KCNQ1: variants seen among roughly 807,000 people sequenced by gnomAD.
The protein encoded by KCNQ1 is potassium voltage-gated channel subfamily KQT member 1.
A neutral mutation model predicts 72.4 loss-of-function variants in KCNQ1; 49 were observed. That is an observed-to-expected ratio of 0.68 (90% confidence interval 0.54 to 0.86). The LOEUF (loss-of-function observed/expected upper bound fraction) is 0.86, where lower values mean the gene tolerates loss of function less well. Among genes scored for constraint, KCNQ1 ranks in the 40% least tolerant of loss-of-function variants. KCNQ1 has a pLI of 0.00. For synonymous variants in KCNQ1, 450 were observed against 412.6 expected (o/e 1.09, Z -1.10); for missense variants, 790 against 945.1 (o/e 0.84, Z 2.15).
chr11:2,602,745 A>G lies in KCNQ1; in HGVS notation c.1393+13891A>G, dbSNP rs549831418. Among the ~76,000 whole-genome samples the G allele has an allele frequency of 2.0e-5, 3 of 152,284 alleles. No individual in the cohort carries two copies. Among genetic ancestry groups the G allele is most frequent in the Non-Finnish European group, 2.9e-5 (2 of 68,018 alleles). On this transcript the variant is annotated intron_variant, in intron 10 of 15. Coordinates refer to ENST00000155840, the MANE Select transcript of KCNQ1 (RefSeq NM_000218.3). This position sits in a 1 kb window ranked among gnomAD's most constrained non-coding sequence, Gnocchi z 4.8. ...TCTATGCAGTGAAATTCTTGTTGAT[A>G]TCATTTTTCCATTTCCCAATTAGAC...
At chr11:2,685,062 G>A in intron 11 of KCNQ1, 1 of 398,624 alleles carries the variant, frequency 2.5e-6, no homozygotes, top group Admixed American at 4.4e-5. Context: ...AAATGTATGG[G>A]ACAGCCTGTG....
Position 2,787,312 on chromosome 11 carries a change from C to A in KCNQ1, c.1794+9275C>A, listed in dbSNP as rs1347809072. ...AAGCAGAGCCCTTTGAGGGTCCCAG[C>A]TTTGTGTAAGTCTCTGCTATGAGAC... On this transcript the variant is annotated intron_variant, in intron 15 of 15. Coordinates refer to ENST00000155840, the MANE Select transcript of KCNQ1 (RefSeq NM_000218.3). The surrounding 1 kb of genome is among the most constrained non-coding windows in gnomAD (Gnocchi z 6.3). 1.3e-5 allele frequency among the ~76,000 whole-genome samples: 2 copies of A among 152,134 alleles called. No individual in the cohort carries two copies. The highest frequency in any genetic ancestry group is 2.9e-5 in the Non-Finnish European group (2 of 68,028).
chr11:2,666,735 A>G lies in KCNQ1; in HGVS notation c.1514+4654A>G, dbSNP rs1277803728. On this transcript the variant is annotated intron_variant, in intron 11 of 15. Coordinates refer to ENST00000155840, the MANE Select transcript of KCNQ1 (RefSeq NM_000218.3). ...ACTGTGACCTACTCCCACAGACCCCAGGGTACCAGGCACTGCAGCTCTGTG... is the reference window on the plus strand; with the variant it reads ...ACTGTGACCTACTCCCACAGACCCCGGGGTACCAGGCACTGCAGCTCTGTG... 156 of 398,678 alleles carry G rather than the reference A, an allele frequency of 3.9e-4. 2 individuals are homozygous for G. The highest frequency in any genetic ancestry group is 6.2e-5 in the Non-Finnish European group (14 of 226,124). 24.7% of individuals were successfully genotyped at this position (398,678 alleles called of 1,614,324 possible).
chr11:2,789,542 C>G (rs1347311141), intron 15 of KCNQ1, among the ~76,000 whole-genome samples: 1 of 152,208 alleles, frequency 6.6e-6, no homozygotes, highest in Non-Finnish European at 1.5e-5. Flanking sequence ...ATGTGTTGCT[C>G]AGTAAGAAAC....
intron 15 of KCNQ1, among the ~76,000 whole-genome samples, chr11:2,822,977 A>T (rs1312317042): frequency 1.3e-5 from 2 of 152,234 alleles, no homozygotes; most frequent in African/African-American, 4.8e-5. Context: ...TGAAAGTGGA[A>T]TGAAGACTGA....
Position 2,662,398 on chromosome 11 carries a change from A to G in KCNQ1, c.1514+317A>G, listed in dbSNP as rs1231423965. ...CCCCAGCCCCCTCCCCTGCCCCCCA[A>G]AAAAGAGACGACTTTGTTTTTTAGC... On this transcript the variant is annotated intron_variant, in intron 11 of 15. Transcript: ENST00000155840. The G allele has an allele frequency of 1.6e-4, 80 of 504,120 alleles. 1 individual carries two copies. The Admixed American group carries it at 2.7e-3, about 17-fold the overall frequency. 31.2% of individuals were successfully genotyped at this position (504,120 alleles called of 1,614,324 possible).
In KCNQ1 at chr11:2,601,666, A is replaced by G. The variant is rs111519209; in HGVS notation, c.1393+12812A>G. Among the ~76,000 whole-genome samples the G allele has an allele frequency of 6.6e-6, 1 of 152,236 alleles. No individual in the cohort carries two copies. The highest frequency in any genetic ancestry group is 2.1e-4 in the South Asian group (1 of 4,832). ...AAATGCCACGTAAATGGAATCACACAATACACGATATCTTAGAAACGGGGT... is the reference window on the plus strand; with the variant it reads ...AAATGCCACGTAAATGGAATCACACGATACACGATATCTTAGAAACGGGGT... On this transcript the variant is annotated intron_variant, in intron 10 of 15. Transcript: ENST00000155840. The surrounding 1 kb of genome is among the most constrained non-coding windows in gnomAD (Gnocchi z 5.2).
At position 2,501,718 on chromosome 11, in the gene KCNQ1, C is replaced by CAAAAAAAAAAAAAAAAAAAAA. The variant is rs55865890; in HGVS notation, c.387-26201_387-26181dup. ...TTACCAAAACCAGACAAAGATACAT[C>CAAAAAAAAAAAAAAAAAAAAA]AAAAAAAAAAAAAAAAAAAAAAAAA... On this transcript the variant is annotated intron_variant, in intron 1 of 15. Transcript: ENST00000155840. 2.9e-5 allele frequency among the ~76,000 whole-genome samples: 2 copies of CAAAAAAAAAAAAAAAAAAAAA among 68,888 alleles called. 1 individual carries two copies. The highest frequency in any genetic ancestry group is 5.8e-5 in the Non-Finnish European group (2 of 34,650). 45.2% of individuals were successfully genotyped at this position (68,888 alleles called of 152,430 possible).
intron 10 of KCNQ1, among the ~76,000 whole-genome samples, chr11:2,605,703 G>A (rs1460963003): frequency 3.9e-5 from 6 of 152,266 alleles, no homozygotes; most frequent in African/African-American, 1.4e-4. Flanking sequence ...AGTCAATTTG[G>A]AGATCAGGAA....
Position 2,445,090 on chromosome 11 carries a change from C to T in KCNQ1, c.-9C>T. On this transcript the variant is annotated 5_prime_UTR_variant, in exon 1 of 16. Transcript: ENST00000155840. ...GCTCGGGCCGGCCCCCCGGCAGGCC[C>T]TCCTCGTTATGGCCGCGGCCTCCTC... 1 of 1,077,886 alleles carries T rather than the reference C, an allele frequency of 9.3e-7. No individual in the cohort carries two copies. The allele number at this position is 1,077,886 out of a possible 1,614,324, so 66.8% of individuals were successfully genotyped here. A position where few individuals can be genotyped will look rare whatever the true frequency, so the allele number is the denominator to read the frequency against.
chr11:2,643,209 T>C, intron 10 of KCNQ1: 1 of 398,330 alleles, frequency 2.5e-6, no homozygotes. Flanking sequence ...ATCCAATGTT[T>C]CTTTGTTAAT....
chr11:2,583,322 C>T, intron 6 of KCNQ1, 113 bp from the exon 7 acceptor site: 1 of 788,628 alleles, frequency 1.3e-6, no homozygotes, highest in Non-Finnish European at 2.3e-6. Flanking sequence ...TCCTGGTGGT[C>T]AGGGTCTCTT....
At chr11:2,733,854 T>TCA (rs1554914274) in intron 11 of KCNQ1, among the ~76,000 whole-genome samples, 445 of 41,136 alleles carry the variant, frequency 0.011, 23 homozygotes, top group Non-Finnish European at 0.016. Context: ...TCTCTCTCTC[T>TCA]CTCCCCCCCC....
intron 11 of KCNQ1, chr11:2,693,876 G>A (rs1046781014): frequency 1.3e-5 from 5 of 398,716 alleles, no homozygotes; most frequent in African/African-American, 1.0e-4. Context: ...CCTGCTCTGA[G>A]GGAAACCCTA....
At position 2,617,972 on chromosome 11, in the gene KCNQ1, T is replaced by C. The variant is rs553536621; in HGVS notation, c.1393+29118T>C. On this transcript the variant is annotated intron_variant, in intron 10 of 15. Coordinates refer to ENST00000155840, the MANE Select transcript of KCNQ1 (RefSeq NM_000218.3). This position sits in a 1 kb window ranked among gnomAD's most constrained non-coding sequence, Gnocchi z 4.6. ...TATATGGTTGGCAAATATTTTCTTCTAGTCCATAGGTTGCCTTTTCCTTTT... is the reference window on the plus strand; with the variant it reads ...TATATGGTTGGCAAATATTTTCTTCCAGTCCATAGGTTGCCTTTTCCTTTT... 1 of 398,576 alleles carries C rather than the reference T, an allele frequency of 2.5e-6. No homozygotes were observed. The highest frequency in any genetic ancestry group is 1.3e-4 in the South Asian group (1 of 7,860). 24.7% of individuals were successfully genotyped at this position (398,576 alleles called of 1,614,324 possible). A position where few individuals can be genotyped will look rare whatever the true frequency, so the allele number is the denominator to read the frequency against.
chr11:2,674,493 G>C lies in KCNQ1; in HGVS notation c.1514+12412G>C, dbSNP rs987804156. The C allele has an allele frequency of 7.5e-6, 3 of 398,568 alleles. No homozygotes were observed. Among genetic ancestry groups the C allele is most frequent in the African/African-American group, 2.1e-5 (1 of 48,634 alleles). The allele number at this position is 398,568 out of a possible 1,614,324, so 24.7% of individuals were successfully genotyped here. The stretch of plus-strand genomic sequence containing the variant: ...TGTCGAGATGTGTAAGATGGCCCCA[G>C]TGTTACTAGGCACTAGATGGCACTT... On this transcript the variant is annotated intron_variant, in intron 11 of 15. Coordinates refer to ENST00000155840, the MANE Select transcript of KCNQ1 (RefSeq NM_000218.3). The surrounding 1 kb of genome is among the most constrained non-coding windows in gnomAD (Gnocchi z 5.9).
Position 2,720,439 on chromosome 11 carries a change from CT to C in KCNQ1, c.1515-48404del, listed in dbSNP as rs1851183428. 6.6e-6 allele frequency among the ~76,000 whole-genome samples: 1 copy of C among 152,162 alleles called. No homozygotes were observed. Among genetic ancestry groups the C allele is most frequent in the Admixed American group, 6.5e-5 (1 of 15,284 alleles). On this transcript the variant is annotated intron_variant, in intron 11 of 15. Transcript: ENST00000155840. This position sits in a 1 kb window ranked among gnomAD's most constrained non-coding sequence, Gnocchi z 5.1. ...ACAGCTGAAGGCCAGGAGGAAGCTGCTGGCCTCAAGAAGGCCTCTCGAAGCA... is the reference window on the plus strand; with the variant it reads ...ACAGCTGAAGGCCAGGAGGAAGCTGCGGCCTCAAGAAGGCCTCTCGAAGCA...
Position 2,603,953 on chromosome 11 carries a change from C to A in KCNQ1, c.1393+15099C>A, listed in dbSNP as rs547454945. 6.6e-6 allele frequency among the ~76,000 whole-genome samples: 1 copy of A among 152,172 alleles called. No homozygotes were observed. The highest frequency in any genetic ancestry group is 6.5e-5 in the Admixed American group (1 of 15,288). ...TGATCCGCCCACCTCGGCCTCCTAACCTGCTGGGACCACAGGCGTGAGCCA... is the reference window on the plus strand; with the variant it reads ...TGATCCGCCCACCTCGGCCTCCTAAACTGCTGGGACCACAGGCGTGAGCCA... On this transcript the variant is annotated intron_variant, in intron 10 of 15. Coordinates refer to ENST00000155840, the MANE Select transcript of KCNQ1 (RefSeq NM_000218.3). The surrounding 1 kb of genome is among the most constrained non-coding windows in gnomAD (Gnocchi z 4.1).
At chr11:2,640,085 G>C in intron 10 of KCNQ1, 1 of 242,558 alleles carries the variant, frequency 4.1e-6, no homozygotes, top group Non-Finnish European at 7.8e-6. Context: ...GAGTGATCCA[G>C]TTTTCCAGGT....
Sources: gnomAD v4.1 joint callset for allele counts (sites outside exome capture counted in the v4.1 genomes callset) on GRCh38, gnomAD v4.1.1 for gene constraint, Gnocchi (gnomAD v3.1) non-coding constraint, MANE v1.5 for transcripts, NCBI Gene and HGNC (gene_info 2026-07-23, HGNC 2026-07-21) for gene names.